Variants in CAMKMT observed in about 807,000 individuals in gnomAD.
The protein encoded by CAMKMT is calmodulin-lysine N-methyltransferase, also known as CaM KMT.
A neutral mutation model predicts 48.0 loss-of-function variants in CAMKMT; 53 were observed. The ratio of observed to expected loss-of-function variants is 1.10; its 90% confidence interval spans 0.89 to 1.39. CAMKMT has a LOEUF of 1.39. CAMKMT is among the 40% of genes most tolerant of loss of function. The pLI is 0.00. For synonymous variants in CAMKMT, 165 were observed against 152.3 expected (o/e 1.08, Z -0.61); for missense variants, 428 against 402.7 (o/e 1.06, Z -0.54).
At chr2:44,390,409 A>G (rs539507290) in intron 3 of CAMKMT, 104 bp downstream of exon 3, 3 of 749,952 alleles carry the variant, frequency 4.0e-6, no homozygotes, top group East Asian at 2.9e-5. Flanking sequence ...CACTAAATGT[A>G]TGCATATATG....
At chr2:44,481,736 A>G (rs556265555) in intron 3 of CAMKMT, among the ~76,000 whole-genome samples, 1 of 152,226 alleles carries the variant, frequency 6.6e-6, no homozygotes, top group Non-Finnish European at 1.5e-5. Flanking sequence ...ATTTCGATGA[A>G]TGACAAAGCT....
intron 3 of CAMKMT, among the ~76,000 whole-genome samples, chr2:44,445,477 T>A (rs758498641): frequency 5.9e-5 from 9 of 152,056 alleles, no homozygotes; most frequent in Non-Finnish European, 1.0e-4. Context: ...CTCTTTTTTC[T>A]TTTCTCCTCC....
chr2:44,763,691 A>C (rs1434809233), intron 9 of CAMKMT, among the ~76,000 whole-genome samples: 2 of 152,116 alleles, frequency 1.3e-5, no homozygotes. Flanking sequence ...GTGGCTAGGG[A>C]AGGACAGGTA....
intron 3 of CAMKMT, among the ~76,000 whole-genome samples, chr2:44,664,750 T>C (rs1288173037): frequency 6.6e-6 from 1 of 152,138 alleles, no homozygotes; most frequent in African/African-American, 2.4e-5. Context: ...GGAGAGAAAG[T>C]TTTAAGAAGA....
intron 3 of CAMKMT, among the ~76,000 whole-genome samples, chr2:44,429,277 ATGTGTGTGTGTG>A (rs34628835): frequency 1.4e-5 from 2 of 147,024 alleles, no homozygotes; most frequent in Admixed American, 6.7e-5. Flanking sequence ...GTGTGTGTGT[ATGTGTGTGTGTG>A]TGTGTGTGTG....
At chr2:44,676,154 C>T (rs1675677156) in intron 3 of CAMKMT, among the ~76,000 whole-genome samples, 1 of 152,152 alleles carries the variant, frequency 6.6e-6, no homozygotes, top group Non-Finnish European at 1.5e-5. Flanking sequence ...GCTTTTCCCT[C>T]TGGGGAAGCA....
At chr2:44,489,278 C>G (rs1180321094) in intron 3 of CAMKMT, among the ~76,000 whole-genome samples, 2 of 135,128 alleles carry the variant, frequency 1.5e-5, no homozygotes, top group Non-Finnish European at 3.1e-5. Context: ...TGGAGTCTTG[C>G]TCTGTCGCCC....
At chr2:44,734,187 C>T (rs934554362) in intron 7 of CAMKMT, among the ~76,000 whole-genome samples, 1 of 151,822 alleles carries the variant, frequency 6.6e-6, no homozygotes, top group Non-Finnish European at 1.5e-5. Context: ...CTAATAATAG[C>T]CATTTAGTGC....
chr2:44,660,462 G>T (rs1318266597), intron 3 of CAMKMT, among the ~76,000 whole-genome samples: 1 of 152,158 alleles, frequency 6.6e-6, no homozygotes, highest in East Asian at 1.9e-4. Context: ...ATAATATTTT[G>T]CTCACATTTT....
At position 44,715,324 on chromosome 2, in the gene CAMKMT, T is replaced by C; in HGVS notation, c.594T>C (p.Gly198=). ...TCATCACAAGGAATCAGAAGGCTGG[T>C]GTGTTTAAGACCCAGAAAATATCAA... is the stretch of plus-strand genomic sequence containing the variant. The part of the protein sequence containing the change: ...QDIITRNQKA[G]VFKTQKISSC... The change falls in exon 7 of 11, where the codon GGT becomes GGC. Residue 198 remains glycine, a synonymous_variant. Coordinates refer to ENST00000378494, the MANE Select transcript of CAMKMT (RefSeq NM_024766.5). 1 of 1,613,338 alleles carries C rather than the reference T, an allele frequency of 6.2e-7. No homozygotes were observed. Among genetic ancestry groups the C allele is most frequent in the Non-Finnish European group, 8.5e-7 (1 of 1,179,594 alleles).
chr2:44,479,421 A>G (rs1668855667), intron 3 of CAMKMT, among the ~76,000 whole-genome samples: 1 of 152,192 alleles, frequency 6.6e-6, no homozygotes, highest in Non-Finnish European at 1.5e-5. Flanking sequence ...CCTATCTCAG[A>G]TCACCTAGCA....
In CAMKMT at chr2:44,553,095, G is replaced by A. The variant is rs891232093; in HGVS notation, c.377-151188G>A. 6.8e-4 allele frequency among the ~76,000 whole-genome samples: 103 copies of A among 152,098 alleles called. 3 individuals carry two copies. Among genetic ancestry groups the A allele is most frequent in the Admixed American group, 6.6e-3 (100 of 15,262 alleles). ...GTGTGCTATGATTTAAATTTTCATG[G>A]CACATTAAAGTCTTTTGTTGAAAAA... On this transcript the variant is annotated intron_variant, in intron 3 of 10. Coordinates refer to ENST00000378494, the MANE Select transcript of CAMKMT (RefSeq NM_024766.5).
chr2:44,590,818 A>G (rs1448563879), intron 3 of CAMKMT, among the ~76,000 whole-genome samples: 7 of 151,738 alleles, frequency 4.6e-5, no homozygotes, highest in African/African-American at 1.7e-4. Flanking sequence ...TTAGACATGA[A>G]GTCCTTGCCC....
intron 3 of CAMKMT, among the ~76,000 whole-genome samples, chr2:44,594,451 T>A (rs1449121437): frequency 1.3e-5 from 2 of 152,144 alleles, no homozygotes; most frequent in Non-Finnish European, 2.9e-5. Context: ...ATGGTACTGG[T>A]ACCAAAACAG....
At chr2:44,478,935 G>A (rs1416017740) in intron 3 of CAMKMT, among the ~76,000 whole-genome samples, 2 of 152,044 alleles carry the variant, frequency 1.3e-5, no homozygotes, top group African/African-American at 2.4e-5. Flanking sequence ...TCCTGACCTC[G>A]TGATCCGCCC....
chr2:44,362,142 G>A lies in CAMKMT; in HGVS notation c.135G>A (p.Arg45=), dbSNP rs1291637275. ...GAGCCGCCCGGTGGAAGCTCCTGCG[G>A]CAGGTAAGGGAGAACCTGCTCGCCT... is the stretch of plus-strand genomic sequence containing the variant. ...PLGAARWKLL[R]QVLKQKHLDD... is the part of the protein sequence containing the mutation. The change falls in exon 1 of 11, where the codon CGG becomes CGA. Residue 45 remains arginine, a synonymous_variant. Transcript: ENST00000378494. 1.4e-6 allele frequency: 2 copies of A among 1,472,318 alleles called. No individual in the cohort carries two copies. Among genetic ancestry groups the A allele is most frequent in the Non-Finnish European group, 1.8e-6 (2 of 1,123,966 alleles). The allele number at this position is 1,472,318 out of a possible 1,614,324, so 91.2% of individuals were successfully genotyped here. A position where few individuals can be genotyped will look rare whatever the true frequency, so the allele number is the denominator to read the frequency against.
chr2:44,500,384 T>C (rs1304425579), intron 3 of CAMKMT, among the ~76,000 whole-genome samples: 1 of 152,206 alleles, frequency 6.6e-6, no homozygotes. Context: ...AAAAACATTG[T>C]TCTTTGAAAA....
chr2:44,703,019 A>C (rs571693453), intron 3 of CAMKMT, among the ~76,000 whole-genome samples: 2 of 152,262 alleles, frequency 1.3e-5, no homozygotes, highest in African/African-American at 4.8e-5. Flanking sequence ...TGAGTCAGAG[A>C]ACATTTGCCA....
intron 8 of CAMKMT, among the ~76,000 whole-genome samples, chr2:44,750,785 G>A (rs1474363185): frequency 6.6e-5 from 10 of 152,170 alleles, no homozygotes; most frequent in Admixed American, 6.5e-4. Flanking sequence ...AGACTGAGGT[G>A]GGCAGATCAC....
Sources: gnomAD v4.1 joint callset for allele counts (sites outside exome capture counted in the v4.1 genomes callset) on GRCh38, gnomAD v4.1.1 for gene constraint, MANE v1.5 for transcripts, NCBI Gene and HGNC (gene_info 2026-07-23, HGNC 2026-07-21) for gene names.